ZFP64: variants seen among roughly 807,000 people sequenced by gnomAD.
ZFP64 encodes the protein ZFP64 zinc finger protein.
ZFP64 carries 14 observed loss-of-function variants against 51.6 expected under a neutral mutation model. That is an observed-to-expected ratio of 0.27 (90% CI 0.18 to 0.42). ZFP64 has a LOEUF of 0.42. Among genes scored for constraint, ZFP64 ranks in the 10% least tolerant of loss-of-function variants. The probability of loss-of-function intolerance (pLI) is 1.00; values close to 1 mark genes in which losing one functional copy is unlikely to be tolerated. For synonymous variants in ZFP64, 375 were observed against 361.4 expected, an observed-to-expected ratio of 1.04 and a Z score of -0.43; for missense variants, 754 against 906.8, an observed-to-expected ratio of 0.83 and a Z score of 2.16.
intron 5 of ZFP64, chr20:52,105,183 G>T: frequency 7.0e-7 from 1 of 1,436,582 alleles, no homozygotes; most frequent in Middle Eastern, 1.8e-4. Flanking sequence ...CGGCGCGCAG[G>T]CCGCGGCTCC....
intron 2 of ZFP64, among the ~76,000 whole-genome samples, chr20:52,172,393 AG>A (rs1982826401): frequency 6.6e-6 from 1 of 152,132 alleles, no homozygotes; most frequent in Admixed American, 6.5e-5. Context: ...TAAAGATTCA[AG>A]GGAAGGATAA....
In ZFP64 at chr20:52,153,109, G is replaced by A. The variant is rs1432874185; in HGVS notation, c.1083C>T (p.His361=). The change falls in exon 6 of 6, where the codon CAC becomes CAT. Residue 361 remains histidine (H), a synonymous_variant. Transcript: ENST00000216923. This position sits in a 1 kb window ranked among gnomAD's most constrained non-coding sequence, Gnocchi z 5.1. Reference sequence around the variant, plus strand: ...GGCGGTCGGTGCAGTGGATACGCTCGTGGATGCGCAGGGCGGCCTTGCTGG... The same window carrying A: ...GGCGGTCGGTGCAGTGGATACGCTCATGGATGCGCAGGGCGGCCTTGCTGG... ...SCSSKAALRI[H]ERIHCTDRPF... 4 of 1,614,218 alleles carry A rather than the reference G, an allele frequency of 2.5e-6. No homozygotes were observed. The highest frequency in any genetic ancestry group is 2.2e-5 in the East Asian group (1 of 44,874).
intron 5 of ZFP64, among the ~76,000 whole-genome samples, chr20:52,136,077 C>T (rs1267504789): frequency 3.6e-5 from 4 of 111,458 alleles, no homozygotes; most frequent in South Asian, 6.2e-4. Context: ...CCAGCCTAGG[C>T]GATGGAGGGA....
At chr20:52,164,487 C>T (rs898585431) in intron 4 of ZFP64, among the ~76,000 whole-genome samples, 7 of 152,142 alleles carry the variant, frequency 4.6e-5, no homozygotes, top group Non-Finnish European at 1.0e-4. Context: ...TTGCTCACAT[C>T]CTCTCCAGAG....
At chr20:52,107,502 A>T (rs983381284) in intron 5 of ZFP64, among the ~76,000 whole-genome samples, 1 of 152,144 alleles carries the variant, frequency 6.6e-6, no homozygotes, top group Admixed American at 6.6e-5. Context: ...CTACAACTTA[A>T]GAATCAACAG....
chr20:52,105,339 G>A (rs560865694), intron 5 of ZFP64: 5 of 1,249,426 alleles, frequency 4.0e-6, no homozygotes, highest in South Asian at 7.2e-5. Flanking sequence ...GAACGCGCAT[G>A]TCCCGGCAAT....
chr20:52,120,569 T>C (rs1979132157), intron 5 of ZFP64, among the ~76,000 whole-genome samples: 1 of 148,930 alleles, frequency 6.7e-6, no homozygotes, highest in African/African-American at 2.6e-5. Context: ...ATTTTTCCAA[T>C]GGCATGTGCT....
intron 5 of ZFP64, among the ~76,000 whole-genome samples, chr20:52,102,089 TGA>T (rs1293901788): frequency 1.0e-5 from 1 of 97,810 alleles, no homozygotes; most frequent in African/African-American, 4.4e-5. Flanking sequence ...TCCAGCCTGG[TGA>T]GAGTAACTCC....
intron 5 of ZFP64, among the ~76,000 whole-genome samples, chr20:52,121,315 A>G (rs1381086632): frequency 1.3e-5 from 2 of 152,234 alleles, no homozygotes; most frequent in Non-Finnish European, 2.9e-5. Context: ...TTTTGAGTCC[A>G]ACAGCCAAGT....
chr20:52,175,863 C>CCGG, intron 2 of ZFP64: 4 of 375,946 alleles, frequency 1.1e-5, no homozygotes, highest in Non-Finnish European at 1.5e-5. Context: ...CCCCCGCTGC[C>CCGG]GCCCCCGCCC....
At chr20:52,180,914 CCT>C (rs1983568184) in intron 2 of ZFP64, among the ~76,000 whole-genome samples, 1 of 152,036 alleles carries the variant, frequency 6.6e-6, no homozygotes, top group African/African-American at 2.4e-5. Context: ...AACCCTGTCC[CCT>C]GTTTATTTTT....
chr20:52,112,378 G>A (rs548882951), intron 5 of ZFP64, among the ~76,000 whole-genome samples: 33 of 152,198 alleles, frequency 2.2e-4, no homozygotes, highest in Non-Finnish European at 4.4e-4. Flanking sequence ...ACTTAACTAG[G>A]CAAAGTTACT....
intron 2 of ZFP64, among the ~76,000 whole-genome samples, chr20:52,185,299 C>G (rs1188175258): frequency 6.6e-6 from 1 of 152,190 alleles, no homozygotes; most frequent in Non-Finnish European, 1.5e-5. Flanking sequence ...GCTGGGATTA[C>G]AGGCATGAGC....
intron 1 of ZFP64, among the ~76,000 whole-genome samples, chr20:52,190,328 T>C (rs1256008552): frequency 2.0e-4 from 30 of 152,174 alleles, no homozygotes; most frequent in Admixed American, 2.0e-3. Flanking sequence ...ATAATGTCAC[T>C]GGTATGTGGA....
At chr20:52,116,950 G>A (rs1414214983) in intron 5 of ZFP64, among the ~76,000 whole-genome samples, 2 of 151,978 alleles carry the variant, frequency 1.3e-5, no homozygotes, top group African/African-American at 4.8e-5. Flanking sequence ...CAGGCTGGTA[G>A]TCCCAGCTAC....
In ZFP64 at chr20:52,173,645, CT is replaced by C. The variant is rs377073613; in HGVS notation, c.287-7621del. On this transcript the variant is annotated intron_variant, in intron 2 of 5. Transcript: ENST00000216923. The stretch of plus-strand genomic sequence containing the variant: ...CAAAACATGGCAATATACATCCTTG[CT>C]TTTTTTTTTTTCTTTTTTTTTGAGA... Among the ~76,000 whole-genome samples the C allele has an allele frequency of 7.7e-3, 1,108 of 143,850 alleles. 11 individuals are homozygous for C. The highest frequency in any genetic ancestry group is 0.021 in the African/African-American group (828 of 39,410). The allele number at this position is 143,850 out of a possible 152,430, so 94.4% of individuals were successfully genotyped here.
chr20:52,129,183 G>A (rs984709869), intron 5 of ZFP64, among the ~76,000 whole-genome samples: 1 of 151,658 alleles, frequency 6.6e-6, no homozygotes, highest in Admixed American at 6.6e-5. Flanking sequence ...CCGGGTTCAC[G>A]CCGTTCTCCC....
intron 2 of ZFP64, among the ~76,000 whole-genome samples, chr20:52,166,273 T>C (rs1568692214): frequency 6.6e-6 from 1 of 151,986 alleles, no homozygotes; most frequent in Non-Finnish European, 1.5e-5. Flanking sequence ...GCAGGGCAGA[T>C]GGTAAAAGAA....
At position 52,092,375 on chromosome 20, in the gene ZFP64, G is replaced by C. The variant is rs539609806; in HGVS notation, c.977-3732C>G. 6.6e-5 allele frequency among the ~76,000 whole-genome samples: 10 copies of C among 152,220 alleles called. No individual in the cohort carries two copies. In the East Asian group the frequency reaches 1.4e-3, roughly 21 times the overall value. On this transcript the variant is annotated intron_variant, in intron 7 of 8. Transcript: ENST00000361387. ...ATGTCTCCAGACATTGTTCCCTTGGGGGGTGAAATCATACCTAGTTGAAAA... is the reference window on the plus strand; with the variant it reads ...ATGTCTCCAGACATTGTTCCCTTGGCGGGTGAAATCATACCTAGTTGAAAA...
Sources: gnomAD v4.1 joint callset for allele counts (sites outside exome capture counted in the v4.1 genomes callset) on GRCh38, gnomAD v4.1.1 for gene constraint, Gnocchi (gnomAD v3.1) non-coding constraint, MANE v1.5 for transcripts, NCBI Gene and HGNC (gene_info 2026-07-23, HGNC 2026-07-21) for gene names.